PBX1: variants seen among roughly 807,000 people sequenced by gnomAD.
PBX1 encodes the protein pre-B-cell leukemia transcription factor 1.
In PBX1, 6 loss-of-function variants were observed where a neutral mutation model predicts 53.4. The ratio of observed to expected loss-of-function variants is 0.11; its 90% CI spans 0.06 to 0.22. PBX1 has a LOEUF of 0.22. Ranked by LOEUF, PBX1 falls within the 10% of genes least tolerant of loss-of-function variation. The probability of loss-of-function intolerance (pLI) is 1.00; values close to 1 mark genes in which losing one functional copy is unlikely to be tolerated. For missense variants in PBX1, 251 were observed against 551.4 expected, an observed-to-expected ratio of 0.46 and a Z score of 5.46; for synonymous variants, 204 against 212.3, an observed-to-expected ratio of 0.96 and a Z score of 0.34.
chr1:164,630,341 AG>A (rs1658332081), intron 2 of PBX1, among the ~76,000 whole-genome samples: 1 of 152,106 alleles, frequency 6.6e-6, no homozygotes, highest in Non-Finnish European at 1.5e-5. Flanking sequence ...GGATTTTAGG[AG>A]ACAGATAATG....
At chr1:164,836,037 A>C (rs1410417842) in intron 8 of PBX1, among the ~76,000 whole-genome samples, 1 of 152,174 alleles carries the variant, frequency 6.6e-6, no homozygotes, top group African/African-American at 2.4e-5. Context: ...CCCTAAGCCA[A>C]ATAAATAAAT....
chr1:164,650,991 G>T (rs1659777118), intron 2 of PBX1, among the ~76,000 whole-genome samples: 1 of 150,524 alleles, frequency 6.6e-6, no homozygotes, highest in Non-Finnish European at 1.5e-5. Context: ...TAGACCTTAA[G>T]AGGTGAGGGG....
At chr1:164,771,162 G>T (rs971327126) in intron 2 of PBX1, 1 of 152,076 alleles carries the variant, frequency 6.6e-6, no homozygotes, top group Non-Finnish European at 1.5e-5. Context: ...GAACAGTTCC[G>T]ACCAGGTACT....
At chr1:164,674,847 G>GCCCCCCCCCCCCCC (rs78130048) in intron 2 of PBX1, 3 of 40,712 alleles carry the variant, frequency 7.4e-5, no homozygotes, top group African/African-American at 1.3e-4. Flanking sequence ...AGAAATCACA[G>GCCCCCCCCCCCCCC]CCCCCCCCCC....
intron 2 of PBX1, among the ~76,000 whole-genome samples, chr1:164,791,828 TG>T (rs1227939146): frequency 6.6e-6 from 1 of 151,990 alleles, no homozygotes; most frequent in Non-Finnish European, 1.5e-5. Context: ...TTTACCTTTT[TG>T]GGGGGTGGGG....
intron 2 of PBX1, among the ~76,000 whole-genome samples, chr1:164,753,698 A>G (rs1053301887): frequency 2.0e-5 from 3 of 152,174 alleles, no homozygotes; most frequent in African/African-American, 7.2e-5. Flanking sequence ...CCCCAGGGCC[A>G]CTGTGGCTAG....
intron 2 of PBX1, among the ~76,000 whole-genome samples, chr1:164,565,166 G>A (rs1273116800): frequency 6.6e-6 from 1 of 152,134 alleles, no homozygotes. Context: ...CGGTTCAGGT[G>A]AGGGTTAAAG....
At chr1:164,677,083 A>ATTTTT in intron 2 of PBX1, among the ~76,000 whole-genome samples, 1 of 99,666 alleles carries the variant, frequency 1.0e-5, no homozygotes, top group East Asian at 3.6e-4. Context: ...ACTGCTTGAC[A>ATTTTT]TTTTTTTTTT....
intron 2 of PBX1, among the ~76,000 whole-genome samples, chr1:164,568,540 AT>A (rs1428873848): frequency 2.6e-5 from 4 of 152,264 alleles, no homozygotes; most frequent in African/African-American, 9.6e-5. Context: ...GAATGCAATA[AT>A]TGATAAATAA....
intron 5 of PBX1, among the ~76,000 whole-genome samples, chr1:164,809,765 C>T (rs1669518658): frequency 6.6e-6 from 1 of 152,130 alleles, no homozygotes; most frequent in Admixed American, 6.5e-5. Context: ...TGCCCATACA[C>T]CCAAATCCAT....
rs190350816 is a variant in PBX1 at position 164,738,655 on chromosome 1, A to G, written c.266-53839A>G. On this transcript the variant is annotated intron_variant, in intron 2 of 8. Coordinates refer to ENST00000420696, the MANE Select transcript of PBX1 (RefSeq NM_002585.4). The stretch of plus-strand genomic sequence containing the variant: ...CTCTAACCCCTTCTGGAAGGAGACC[A>G]TATCATCTTTTCCATACAGGACAAA... Among the ~76,000 whole-genome samples the G allele has an allele frequency of 1.2e-4, 18 of 152,332 alleles. No individual in the cohort carries two copies. In the East Asian group the frequency reaches 2.1e-3, roughly 18 times the overall value.
chr1:164,646,426 G>C (rs1659456370), intron 2 of PBX1, among the ~76,000 whole-genome samples: 1 of 152,176 alleles, frequency 6.6e-6, no homozygotes, highest in Non-Finnish European at 1.5e-5. Context: ...GAATCAACTA[G>C]AGGGTGGTTT....
At chr1:164,758,659 A>G (rs1223783893) in intron 2 of PBX1, among the ~76,000 whole-genome samples, 2 of 152,024 alleles carry the variant, frequency 1.3e-5, no homozygotes, top group South Asian at 2.1e-4. Flanking sequence ...ATTACCATCT[A>G]AAAGTATACT....
chr1:164,583,987 G>C (rs999636645), intron 2 of PBX1, among the ~76,000 whole-genome samples: 3 of 152,112 alleles, frequency 2.0e-5, no homozygotes, highest in Admixed American at 1.3e-4. Flanking sequence ...TTTTCTCCAA[G>C]ATTGCAAGCT....
At chr1:164,618,843 C>G (rs1037107910) in intron 2 of PBX1, among the ~76,000 whole-genome samples, 1 of 152,130 alleles carries the variant, frequency 6.6e-6, no homozygotes, top group Non-Finnish European at 1.5e-5. Context: ...ATATAGGTGC[C>G]CTGATTAGCC....
intron 3 of PBX1, among the ~76,000 whole-genome samples, chr1:164,798,463 T>C (rs1394867153): frequency 3.9e-5 from 6 of 152,240 alleles, no homozygotes; most frequent in Admixed American, 3.9e-4. Flanking sequence ...AACCAGATTA[T>C]GGATGCTAAG....
At position 164,848,997 on chromosome 1, in the gene PBX1, C is replaced by T; in HGVS notation, c.*2321C>T. 8.6e-7 allele frequency: 1 copy of T among 1,160,538 alleles called. No individual in the cohort carries two copies. Among genetic ancestry groups the T allele is most frequent in the Non-Finnish European group, 1.1e-6 (1 of 938,300 alleles). 71.9% of individuals were successfully genotyped at this position (1,160,538 alleles called of 1,614,324 possible). A position where few individuals can be genotyped will look rare whatever the true frequency, so the allele number is the denominator to read the frequency against. On this transcript the variant is annotated 3_prime_UTR_variant, in exon 9 of 9. Coordinates refer to ENST00000420696, the MANE Select transcript of PBX1 (RefSeq NM_002585.4). The stretch of plus-strand genomic sequence containing the variant: ...ACTTCAGCCCTAATCAGAACAGATG[C>T]CTAGAAGGAGCATTTTTGTGACAAC...
intron 2 of PBX1, among the ~76,000 whole-genome samples, chr1:164,572,367 T>C (rs1653941664): frequency 6.6e-6 from 1 of 152,226 alleles, no homozygotes; most frequent in African/African-American, 2.4e-5. Context: ...TTGTCATGTT[T>C]GGTCAATACA....
chr1:164,671,410 G>T (rs981222032), intron 2 of PBX1, among the ~76,000 whole-genome samples: 6 of 152,118 alleles, frequency 3.9e-5, no homozygotes, highest in African/African-American at 1.4e-4. Context: ...ATGACTGCAC[G>T]TTGACATTAA....
Sources: gnomAD v4.1 joint callset for allele counts (sites outside exome capture counted in the v4.1 genomes callset) on GRCh38, gnomAD v4.1.1 for gene constraint, MANE v1.5 for transcripts, NCBI Gene and HGNC (gene_info 2026-07-23, HGNC 2026-07-21) for gene names.